ITPA: variants seen among roughly 807,000 people sequenced by gnomAD.
The protein encoded by ITPA is inosine triphosphatase.
In ITPA, 29 loss-of-function variants were observed where a neutral mutation model predicts 29.6. The observed-to-expected ratio is 0.98, with a 90% CI of 0.73 to 1.34. The LOEUF is 1.34. ITPA is among the 40% of genes most tolerant of loss of function. ITPA has a pLI of 0.00. For missense variants in ITPA, 241 were observed against 251.5 expected (o/e 0.96, Z 0.28); for synonymous variants, 103 against 99.3 (o/e 1.04, Z -0.22).
chr20:3,204,755 G>T (rs1472844820), upstream of ITPA: 2 of 866,254 alleles, frequency 2.3e-6, no homozygotes, highest in Admixed American at 5.7e-5. Context: ...TCACAGAGAG[G>T]CTTTAATGTC....
downstream of ITPA, among the ~76,000 whole-genome samples, chr20:3,225,345 A>G (rs1207383095): frequency 1.3e-5 from 2 of 152,182 alleles, no homozygotes; most frequent in Non-Finnish European, 2.9e-5. Context: ...GGAAAGACCA[A>G]GACAGGACTA....
At chr20:3,226,526 C>T (rs2067556402), downstream of ITPA, among the ~76,000 whole-genome samples, 1 of 152,126 alleles carries the variant, frequency 6.6e-6, no homozygotes, top group Non-Finnish European at 1.5e-5. The surrounding 1 kb of genome is among the most constrained non-coding windows in gnomAD (Gnocchi z 4.4). Context: ...TGTGGGCTTA[C>T]GTTTCTCTAA....
upstream of ITPA, among the ~76,000 whole-genome samples, chr20:3,208,530 C>A (rs2067103876): frequency 6.6e-6 from 1 of 152,214 alleles, no homozygotes; most frequent in Non-Finnish European, 1.5e-5. Flanking sequence ...CATGCACCAC[C>A]ATGCCCAGCT....
chr20:3,209,373 T>C, upstream of ITPA: 1 of 695,764 alleles, frequency 1.4e-6, no homozygotes, highest in Non-Finnish European at 2.6e-6. The surrounding 1 kb of genome is among the most constrained non-coding windows in gnomAD (Gnocchi z 4.6). Flanking sequence ...AATCGGACGC[T>C]GTGGGCTAGG....
At chr20:3,222,982 A>G (rs1406746483) in intron 7 of ITPA, among the ~76,000 whole-genome samples, 1 of 152,136 alleles carries the variant, frequency 6.6e-6, no homozygotes, top group African/African-American at 2.4e-5. Flanking sequence ...CAGCTGTTCA[A>G]GTGCTCCCCC....
At chr20:3,209,226 C>A, upstream of ITPA, 1 of 415,062 alleles carries the variant, frequency 2.4e-6, no homozygotes, top group South Asian at 2.1e-5. The surrounding 1 kb of genome is among the most constrained non-coding windows in gnomAD (Gnocchi z 4.6). Flanking sequence ...CTTCTCCTTT[C>A]GGAGACCCCA....
At chr20:3,220,128 A>G (rs755619558) in intron 6 of ITPA, among the ~76,000 whole-genome samples, 2 of 151,190 alleles carry the variant, frequency 1.3e-5, no homozygotes, top group Non-Finnish European at 2.9e-5. Context: ...CCTACTGCCT[A>G]TCACTGCTCA....
chr20:3,213,119 C>T, intron 1 of ITPA, 50 bp from the exon 2 acceptor site: 1 of 1,549,982 alleles, frequency 6.5e-7, no homozygotes, highest in Non-Finnish European at 8.9e-7. Flanking sequence ...CACGTGCTCA[C>T]ATGGAGAATC....
downstream of ITPA, among the ~76,000 whole-genome samples, chr20:3,225,164 C>G (rs1040063239): frequency 6.6e-6 from 1 of 152,120 alleles, no homozygotes; most frequent in African/African-American, 2.4e-5. Context: ...GATTGCGCCA[C>G]TGCACTCCAG....
downstream of ITPA, among the ~76,000 whole-genome samples, chr20:3,225,544 G>A (rs1466387166): frequency 6.6e-6 from 1 of 152,124 alleles, no homozygotes; most frequent in Non-Finnish European, 1.5e-5. Flanking sequence ...TTCCTGGAGG[G>A]TGACACCCCG....
At chr20:3,225,720 T>G (rs893214586), downstream of ITPA, among the ~76,000 whole-genome samples, 1 of 152,050 alleles carries the variant, frequency 6.6e-6, no homozygotes. Context: ...TGCCCAACCC[T>G]TAAAAAATAA....
upstream of ITPA, chr20:3,204,754 G>C (rs2067059278): frequency 1.1e-6 from 1 of 869,680 alleles, no homozygotes; most frequent in East Asian, 2.7e-5. Flanking sequence ...ATCACAGAGA[G>C]GCTTTAATGT....
downstream of ITPA, among the ~76,000 whole-genome samples, chr20:3,224,716 C>T (rs917228918): frequency 6.6e-6 from 1 of 152,194 alleles, no homozygotes; most frequent in African/African-American, 2.4e-5. Flanking sequence ...TGTAGCCCCC[C>T]TGTGCAGGGA....
chr20:3,211,716 C>T (rs986822296), intron 1 of ITPA, among the ~76,000 whole-genome samples: 7 of 152,122 alleles, frequency 4.6e-5, no homozygotes, highest in African/African-American at 1.7e-4. Flanking sequence ...TGGTCTCGAA[C>T]TCCCGACCTC....
chr20:3,211,235 T>A (rs1176805440), intron 1 of ITPA, among the ~76,000 whole-genome samples: 8 of 146,722 alleles, frequency 5.5e-5, no homozygotes, highest in South Asian at 2.3e-4. Flanking sequence ...GTGCGATCTC[T>A]GCTGACTGCA....
chr20:3,218,725 G>C, intron 6 of ITPA, 93 bp downstream of exon 6: 1 of 957,078 alleles, frequency 1.0e-6, no homozygotes, highest in Non-Finnish European at 1.7e-6. Context: ...AGGGTGGTGG[G>C]AGGGGCGCCT....
chr20:3,207,215 A>G (rs2067077461), upstream of ITPA, among the ~76,000 whole-genome samples: 1 of 151,996 alleles, frequency 6.6e-6, no homozygotes, highest in Non-Finnish European at 1.5e-5. Context: ...TCAGCCTCCT[A>G]AACAGCTGTG....
chr20:3,213,330 CA>C lies in ITPA; in HGVS notation c.137del (p.Gln46ArgfsTer43). 3 of 1,614,066 alleles carry C rather than the reference CA, an allele frequency of 1.9e-6. No individual in the cohort carries two copies. In the South Asian group the frequency reaches 3.3e-5, roughly 18 times the overall value. Reference protein sequence around the residue: ...VAQKIDLPEYQGEPDEISIQK... With the variant: ...VAQKIDLPEYXGEPDEISIQK... Reference sequence around the variant, plus strand: ...GTTTCCCTGATAAGTGCCGGAGTACCAGGGGGAGCCGGATGAGATTTCCATA... The same window carrying C: ...GTTTCCCTGATAAGTGCCGGAGTACCGGGGGAGCCGGATGAGATTTCCATA... On this transcript the variant is annotated frameshift_variant, in exon 3 of 8. Coordinates refer to ENST00000380113, the MANE Select transcript of ITPA (RefSeq NM_033453.4). LOFTEE classifies it high-confidence loss of function.
intron 5 of ITPA, 80 bp from the exon 6 acceptor site, chr20:3,218,437 C>A: frequency 9.7e-7 from 1 of 1,029,466 alleles, no homozygotes; most frequent in Non-Finnish European, 1.5e-6. Flanking sequence ...TCCTCCCTCC[C>A]CACCCTTAGT....
Sources: allele counts gnomAD v4.1 joint callset (sites outside exome capture counted in the v4.1 genomes callset), GRCh38; gene constraint gnomAD v4.1.1; non-coding constraint Gnocchi (gnomAD v3.1); transcripts MANE v1.5; gene names NCBI Gene and HGNC (gene_info 2026-07-23, HGNC 2026-07-21).